Variants in RBM47 observed in about 807,000 individuals in gnomAD.
RBM47 encodes the protein RNA binding motif protein 47.
RBM47 carries 21 observed loss-of-function variants against 47.1 expected under a neutral mutation model. The ratio of observed to expected loss-of-function variants is 0.45; its 90% CI spans 0.32 to 0.64. RBM47 has a LOEUF of 0.64. RBM47 is among the 30% of genes least tolerant of loss of function. The pLI is 0.05. For synonymous variants in RBM47, 375 were observed against 361.7 expected (o/e 1.04, Z -0.42); for missense variants, 708 against 870.9 (o/e 0.81, Z 2.35).
chr4:40,481,882 G>A (rs768576351), intron 2 of RBM47, among the ~76,000 whole-genome samples: 1 of 152,090 alleles, frequency 6.6e-6, no homozygotes, highest in South Asian at 2.1e-4. Flanking sequence ...ATGGAGTTTC[G>A]CCATGTTGGC....
chr4:40,533,597 CAG>C (rs1258749833), intron 2 of RBM47, among the ~76,000 whole-genome samples: 3 of 152,074 alleles, frequency 2.0e-5, no homozygotes, highest in Admixed American at 2.0e-4. Context: ...CCAATTAAAT[CAG>C]AGTCTCAGTA....
intron 1 of RBM47, among the ~76,000 whole-genome samples, chr4:40,618,192 A>C (rs951182472): frequency 6.6e-6 from 1 of 152,062 alleles, no homozygotes; most frequent in Non-Finnish European, 1.5e-5. Flanking sequence ...ACAGGGAAAC[A>C]TGATTGTACC....
At chr4:40,450,124 A>G (rs918047239) in intron 3 of RBM47, among the ~76,000 whole-genome samples, 2 of 152,202 alleles carry the variant, frequency 1.3e-5, no homozygotes, top group Non-Finnish European at 2.9e-5. Context: ...AACAAACAGT[A>G]GGAGGGACTT....
rs763973022 is a variant in RBM47 at position 40,511,525 on chromosome 4, C to T, written c.-155+32897G>A. Among the ~76,000 whole-genome samples, 3 of 152,120 alleles carry T rather than the reference C, an allele frequency of 2.0e-5. 1 individual carries two copies. The highest frequency in any genetic ancestry group is 4.1e-4 in the South Asian group (2 of 4,838). ...GCAGCAGAGTCTAAAATGCCAGAAA[C>T]GTGGGCCAAGTTATTCAGGACTTAA... On this transcript the variant is annotated intron_variant, in intron 2 of 6. Transcript: ENST00000295971.
chr4:40,584,437 A>AT (rs1246801769), intron 1 of RBM47, among the ~76,000 whole-genome samples: 2 of 152,232 alleles, frequency 1.3e-5, no homozygotes, highest in Non-Finnish European at 2.9e-5. Flanking sequence ...TAGAAGCCAC[A>AT]TTTTAAAAGC....
chr4:40,611,375 G>A (rs761864004), intron 1 of RBM47, among the ~76,000 whole-genome samples: 12 of 152,118 alleles, frequency 7.9e-5, no homozygotes, highest in Non-Finnish European at 1.6e-4. Context: ...CACAGAACCT[G>A]TATCCACTCA....
intron 1 of RBM47, among the ~76,000 whole-genome samples, chr4:40,573,548 G>C (rs1344429150): frequency 6.6e-6 from 1 of 151,852 alleles, no homozygotes; most frequent in Admixed American, 6.6e-5. Flanking sequence ...TTCGAGACCA[G>C]CCTGGCCAAC....
chr4:40,602,229 T>TA (rs1735346813), intron 1 of RBM47, among the ~76,000 whole-genome samples: 1 of 152,034 alleles, frequency 6.6e-6, no homozygotes, highest in African/African-American at 2.4e-5. Flanking sequence ...ATTTTTCTCC[T>TA]ATGGAGACTG....
At chr4:40,606,190 G>A (rs375036250) in intron 1 of RBM47, among the ~76,000 whole-genome samples, 49 of 148,344 alleles carry the variant, frequency 3.3e-4, no homozygotes, top group African/African-American at 1.2e-3. Flanking sequence ...ACAGTGAGAC[G>A]TCATCTCAAA....
At chr4:40,487,571 G>A (rs866503351) in intron 2 of RBM47, among the ~76,000 whole-genome samples, 6 of 152,086 alleles carry the variant, frequency 3.9e-5, no homozygotes, top group Non-Finnish European at 4.4e-5. Context: ...GATAACAGGC[G>A]TCAGCCCCCA....
At chr4:40,556,037 C>CTT (rs112819173) in intron 1 of RBM47, among the ~76,000 whole-genome samples, 5 of 139,516 alleles carry the variant, frequency 3.6e-5, no homozygotes, top group Non-Finnish European at 3.1e-5. Context: ...AAAAGATCTT[C>CTT]TTTTTTTTTT....
chr4:40,522,365 C>T (rs778911422), intron 2 of RBM47, among the ~76,000 whole-genome samples: 9 of 151,984 alleles, frequency 5.9e-5, no homozygotes, highest in Non-Finnish European at 1.2e-4. Flanking sequence ...ATTAGCCCGG[C>T]GTGGTGGCAG....
At chr4:40,537,784 C>A (rs633326) in intron 2 of RBM47, among the ~76,000 whole-genome samples, 51,589 of 151,858 alleles carry the variant, frequency 0.34, 10,139 homozygotes, top group African/African-American at 0.53. Flanking sequence ...CTGTATTCAC[C>A]ATGGGCTAAA....
intron 1 of RBM47, among the ~76,000 whole-genome samples, chr4:40,587,300 A>G (rs147054130): frequency 2.1e-4 from 32 of 152,202 alleles, no homozygotes; most frequent in African/African-American, 7.7e-4. Flanking sequence ...AGGAGAGCAT[A>G]TTAAGGGGCC....
At chr4:40,515,325 T>C (rs1725441191) in intron 2 of RBM47, among the ~76,000 whole-genome samples, 2 of 152,142 alleles carry the variant, frequency 1.3e-5, no homozygotes, top group Admixed American at 1.3e-4. Context: ...TGCTAGAGTC[T>C]TGGGCCCATG....
intron 2 of RBM47, among the ~76,000 whole-genome samples, chr4:40,519,550 G>A (rs1725976320): frequency 6.6e-6 from 1 of 151,434 alleles, no homozygotes; most frequent in Non-Finnish European, 1.5e-5. Flanking sequence ...GCCCACCTCG[G>A]CCTCCCAAAG....
At chr4:40,588,892 C>T (rs1051661498) in intron 1 of RBM47, among the ~76,000 whole-genome samples, 1 of 151,608 alleles carries the variant, frequency 6.6e-6, no homozygotes, top group Non-Finnish European at 1.5e-5. Context: ...CTCTTTCAGT[C>T]CCTTTTTGTG....
In RBM47 at chr4:40,454,656, C is replaced by T. The variant is rs1490156057; in HGVS notation, c.-32+11921G>A. 4.6e-5 allele frequency among the ~76,000 whole-genome samples: 7 copies of T among 152,024 alleles called. No homozygotes were observed. In the South Asian group the frequency reaches 6.2e-4, roughly 14 times the overall value. Reference sequence around the variant, plus strand: ...GACTATAGACAAGTGCCGCCATGCCCGGGTAATTTTTTTGTATCTTTAGTA... The same window carrying T: ...GACTATAGACAAGTGCCGCCATGCCTGGGTAATTTTTTTGTATCTTTAGTA... On this transcript the variant is annotated intron_variant, in intron 3 of 6. Transcript: ENST00000295971.
rs540094886 is a variant in RBM47, at chr4:40,431,583, G to A, written c.1542+1068C>T. Reference sequence around the variant, plus strand: ...TGAGGCAGGAGAATGGCGTGAACCTGGGAGGCGGAGCTTGCAGTGAGCCGA... The same window carrying A: ...TGAGGCAGGAGAATGGCGTGAACCTAGGAGGCGGAGCTTGCAGTGAGCCGA... On this transcript the variant is annotated intron_variant, in intron 6 of 6. Transcript: ENST00000295971. Among the ~76,000 whole-genome samples, 12 of 151,962 alleles carry A rather than the reference G, an allele frequency of 7.9e-5. No individual in the cohort carries two copies. In the South Asian group the frequency reaches 2.3e-3, roughly 29 times the overall value.
Sources: gnomAD v4.1 joint callset for allele counts (sites outside exome capture counted in the v4.1 genomes callset) on GRCh38, gnomAD v4.1.1 for gene constraint, MANE v1.5 for transcripts, NCBI Gene and HGNC (gene_info 2026-07-23, HGNC 2026-07-21) for gene names.